ST6GAL2: variants seen among roughly 807,000 people sequenced by gnomAD.
The protein encoded by ST6GAL2 is ST6 beta-galactoside alpha-2,6-sialyltransferase 2.
Under a neutral mutation model 37.5 loss-of-function variants are expected in ST6GAL2, and 24 were observed. That is an observed-to-expected ratio of 0.64 (90% CI 0.46 to 0.90). The LOEUF (loss-of-function observed/expected upper bound fraction) is 0.90, where lower values mean the gene tolerates loss of function less well. Among genes scored for constraint, ST6GAL2 ranks in the 40% least tolerant of loss-of-function variants. The probability of loss-of-function intolerance (pLI) is 0.00; values close to 1 mark genes in which losing one functional copy is unlikely to be tolerated. For synonymous variants in ST6GAL2, 306 were observed against 295.1 expected, an observed-to-expected ratio of 1.04 and a Z score of -0.38; for missense variants, 715 against 712.7, an observed-to-expected ratio of 1.00 and a Z score of -0.04.
intron 2 of ST6GAL2, among the ~76,000 whole-genome samples, chr2:106,841,475 T>C (rs913489566): frequency 6.6e-6 from 1 of 152,224 alleles, no homozygotes; most frequent in East Asian, 1.9e-4. Flanking sequence ...TTTGTTTTAC[T>C]GCTCCTCGTA....
At chr2:106,818,966 G>T (rs528761492) in intron 5 of ST6GAL2, among the ~76,000 whole-genome samples, 10 of 152,128 alleles carry the variant, frequency 6.6e-5, no homozygotes, top group African/African-American at 2.4e-4. Context: ...ATGCATCAGG[G>T]TCTCTTAATA....
intron 5 of ST6GAL2, among the ~76,000 whole-genome samples, chr2:106,826,476 G>A (rs1304809651): frequency 1.3e-5 from 2 of 150,896 alleles, no homozygotes; most frequent in East Asian, 3.9e-4. Flanking sequence ...GGAGGCAGAG[G>A]TTGCAGTGAG....
rs1675270881 is a variant in ST6GAL2 at position 106,801,797 on chromosome 2, A to G, written c.*4881T>C. On this transcript the variant is annotated 3_prime_UTR_variant, in exon 6 of 6. Transcript: ENST00000409382. ...ATTTCATTTTAAAAATTATCATACAAAAGAATTCCCAAAGCTGTTAAAAAA... is the reference window on the plus strand; with the variant it reads ...ATTTCATTTTAAAAATTATCATACAGAAGAATTCCCAAAGCTGTTAAAAAA... 1 of 152,212 alleles carries G rather than the reference A, an allele frequency of 6.6e-6. No homozygotes were observed. The highest frequency in any genetic ancestry group is 1.5e-5 in the Non-Finnish European group (1 of 68,038). The allele number at this position is 152,212 out of a possible 1,614,324, so 9.4% of individuals were successfully genotyped here.
Position 106,843,439 on chromosome 2 carries a change from T to C in ST6GAL2, c.539A>G (p.Gln180Arg), listed in dbSNP as rs1290889701. ...CTCCTCCAACACGTGGCTCCTTCTC[T>C]GCCTCCGGTGCCTCTTCTTCACCCG... is the stretch of plus-strand genomic sequence containing the variant. Reference protein sequence around the residue: ...RRRVKKRHRRQRRSHVLEEGD... With the variant: ...RRRVKKRHRRRRRSHVLEEGD... Residue 180 changes from glutamine (Q) to arginine (R), a missense_variant, in exon 2 of 6, where the codon CAG becomes CGG. Around this residue, in one of 3 missense-constraint regions of ST6GAL2, gnomAD observed 512 missense variants for 488.8 expected, o/e 1.05. Transcript: ENST00000409382. The C allele has an allele frequency of 6.2e-7, 1 of 1,614,022 alleles. No individual in the cohort carries two copies. Among genetic ancestry groups the C allele is most frequent in the Non-Finnish European group, 8.5e-7 (1 of 1,180,028 alleles).
At position 106,832,675 on chromosome 2, in the gene ST6GAL2, A is replaced by G; in HGVS notation, c.1042-9T>C. 1.3e-6 allele frequency: 2 copies of G among 1,542,596 alleles called. No homozygotes were observed. The highest frequency in any genetic ancestry group is 4.5e-5 in the East Asian group (2 of 44,544). On this transcript the variant is annotated splice_polypyrimidine_tract_variant and intron_variant, in intron 3 of 5. Coordinates refer to ENST00000409382, the MANE Select transcript of ST6GAL2 (RefSeq NM_001142351.2). ...CTGGGGTTGGTCAGAATCTGCAAAC[A>G]CACAGAAAAACCATTTCAAAGCCAG...
In ST6GAL2 at chr2:106,864,179, A is replaced by G. The variant is rs560400934; in HGVS notation, c.-57-20145T>C. Among the ~76,000 whole-genome samples the G allele has an allele frequency of 5.9e-5, 9 of 152,292 alleles. No homozygotes were observed. The South Asian group carries it at 1.5e-3, about 25-fold the overall frequency. On this transcript the variant is annotated intron_variant, in intron 1 of 5. Transcript: ENST00000409382. ...ACCCACAGATGTCTGCCTGATCACA[A>G]TCCTGTAATTCTTGTTACCTCTACC...
intron 1 of ST6GAL2, among the ~76,000 whole-genome samples, chr2:106,871,889 G>C (rs1365376824): frequency 6.6e-6 from 1 of 152,214 alleles, no homozygotes; most frequent in Non-Finnish European, 1.5e-5. Flanking sequence ...AAGAACGATA[G>C]AAGTATAGTA....
chr2:106,884,056 G>GT (rs1157440251), intron 1 of ST6GAL2, among the ~76,000 whole-genome samples: 1 of 151,544 alleles, frequency 6.6e-6, no homozygotes, highest in Non-Finnish European at 1.5e-5. Context: ...ATTTCAGTCA[G>GT]TATCAGTATA....
In ST6GAL2 at chr2:106,805,227, A is replaced by G. The variant is rs1338061156; in HGVS notation, c.*1451T>C. On this transcript the variant is annotated 3_prime_UTR_variant, in exon 6 of 6. Transcript: ENST00000409382. The stretch of plus-strand genomic sequence containing the variant: ...CTGACATTCATACATTTTGCAAGGG[A>G]GAACGCATTTAATTAAGCTGCTATT... 2 of 152,208 alleles carry G rather than the reference A, an allele frequency of 1.3e-5. No individual in the cohort carries two copies. The highest frequency in any genetic ancestry group is 3.9e-4 in the East Asian group (2 of 5,190). The allele number at this position is 152,208 out of a possible 1,614,324, so 9.4% of individuals were successfully genotyped here.
intron 1 of ST6GAL2, among the ~76,000 whole-genome samples, chr2:106,855,273 G>A (rs1325772311): frequency 1.3e-5 from 2 of 152,188 alleles, no homozygotes; most frequent in Non-Finnish European, 2.9e-5. Flanking sequence ...GGTGCTTAGG[G>A]GCACCCATTC....
At chr2:106,858,443 C>A (rs1573290422) in intron 1 of ST6GAL2, among the ~76,000 whole-genome samples, 1 of 152,184 alleles carries the variant, frequency 6.6e-6, no homozygotes, top group Non-Finnish European at 1.5e-5. Context: ...CTCCCCAGCC[C>A]TAAAGGATAA....
rs895162098 is a variant in ST6GAL2 at position 106,806,000 on chromosome 2, G to A, written c.*678C>T. 2 of 152,358 alleles carry A rather than the reference G, an allele frequency of 1.3e-5. No individual in the cohort carries two copies. The highest frequency in any genetic ancestry group is 4.8e-5 in the African/African-American group (2 of 41,460). 9.4% of individuals were successfully genotyped at this position (152,358 alleles called of 1,614,324 possible). ...GGAAACAAAGGGCCTCCTCTGTGGT[G>A]CTATATGGAATTTGGCTTTTTCTTG... is the stretch of plus-strand genomic sequence containing the variant. On this transcript the variant is annotated 3_prime_UTR_variant, in exon 6 of 6. Coordinates refer to ENST00000409382, the MANE Select transcript of ST6GAL2 (RefSeq NM_001142351.2).
intron 5 of ST6GAL2, chr2:106,813,024 TA>T: frequency 8.1e-7 from 1 of 1,227,288 alleles, no homozygotes; most frequent in Non-Finnish European, 1.0e-6. Flanking sequence ...AGACACGTTT[TA>T]ATGTATTTTT....
chr2:106,843,410 C>T lies in ST6GAL2; in HGVS notation c.568G>A (p.Asp190Asn), dbSNP rs1309510672. The change falls in exon 2 of 6, where the codon GAC becomes AAC. Residue 190 changes from aspartate to asparagine, a missense_variant. Asp to Asn is a conservative substitution (Grantham distance 23). This residue lies in a region of ST6GAL2 where 512 missense variants were observed against 488.8 expected (regional missense o/e 1.05). Coordinates refer to ENST00000409382, the MANE Select transcript of ST6GAL2 (RefSeq NM_001142351.2). The stretch of plus-strand genomic sequence containing the variant: ...GAGGAGTACAGCCTGTCGCCGTCGT[C>T]GCCCTCCTCCAACACGTGGCTCCTT... ...QRRSHVLEEG[D>N]DGDRLYSSMS... 1 of 1,614,120 alleles carries T rather than the reference C, an allele frequency of 6.2e-7. No individual in the cohort carries two copies. The highest frequency in any genetic ancestry group is 2.2e-5 in the East Asian group (1 of 44,830).
rs1287940346 is a variant in ST6GAL2 at position 106,806,853 on chromosome 2, T to C, written c.1415A>G (p.Tyr472Cys). The C allele has an allele frequency of 3.1e-6, 5 of 1,614,038 alleles. No individual in the cohort carries two copies. The highest frequency in any genetic ancestry group is 4.2e-6 in the Non-Finnish European group (5 of 1,180,040). ...CCCGAGGGTGCAGGCTGCGTCGTAGTACAGCTCGTGGTAGTGGCACAGCTC... is the reference window on the plus strand; with the variant it reads ...CCCGAGGGTGCAGGCTGCGTCGTAGCACAGCTCGTGGTAGTGGCACAGCTC... ...QTELCHYHEL[Y>C]YDAACTLGAY... Residue 472 changes from tyrosine (Y) to cysteine (C), a missense_variant, in exon 6 of 6, where the codon TAC (tyrosine) becomes TGC (cysteine). Tyr to Cys is a radical substitution (Grantham distance 194). Transcript: ENST00000409382.
At chr2:106,881,702 T>C (rs1157693615) in intron 1 of ST6GAL2, among the ~76,000 whole-genome samples, 1 of 152,214 alleles carries the variant, frequency 6.6e-6, no homozygotes, top group Non-Finnish European at 1.5e-5. Context: ...ATTTGTAGAA[T>C]TTGAACATGG....
chr2:106,830,022 C>T (rs968335766), intron 5 of ST6GAL2, 44 bp downstream of exon 5: 1 of 1,553,544 alleles, frequency 6.4e-7, no homozygotes, highest in African/African-American at 1.4e-5. Context: ...TAGATATCAT[C>T]CTGTCTGCCC....
At chr2:106,869,216 T>C (rs1306051414) in intron 1 of ST6GAL2, among the ~76,000 whole-genome samples, 1 of 152,114 alleles carries the variant, frequency 6.6e-6, no homozygotes, top group Non-Finnish European at 1.5e-5. Flanking sequence ...GCAGACTCCC[T>C]AGAATTCTTC....
chr2:106,835,536 G>A (rs886823289), intron 2 of ST6GAL2, among the ~76,000 whole-genome samples: 2 of 152,158 alleles, frequency 1.3e-5, no homozygotes, highest in Non-Finnish European at 2.9e-5. Flanking sequence ...TAAAGCGTAG[G>A]TGGCTGTGTC....
Sources: gnomAD v4.1 joint callset for allele counts (sites outside exome capture counted in the v4.1 genomes callset) on GRCh38, gnomAD v4.1.1 for gene constraint, gnomAD v4.1.1 regional missense constraint, MANE v1.5 for transcripts, NCBI Gene and HGNC (gene_info 2026-07-23, HGNC 2026-07-21) for gene names.